Variants in PIK3C2A observed in about 807,000 individuals in gnomAD.
The protein encoded by PIK3C2A is phosphatidylinositol 4-phosphate 3-kinase C2 domain-containing subunit alpha.
A neutral mutation model predicts 204.5 loss-of-function variants in PIK3C2A; 97 were observed. The observed-to-expected ratio is 0.47, with a 90% CI of 0.40 to 0.56. PIK3C2A has a LOEUF of 0.56. Ranked by LOEUF, PIK3C2A falls within the 20% of genes least tolerant of loss-of-function variation. The pLI is 0.00. For missense variants in PIK3C2A, 1,735 were observed against 1,969.2 expected (o/e 0.88, Z 2.25); for synonymous variants, 653 against 664.4 (o/e 0.98, Z 0.26).
rs561890172 is a variant in PIK3C2A, at chr11:17,167,137, AT to A, written c.1065+1539del. ...AGGAGTATGCCATCACGCCCAGCTA[AT>A]TTTTTTGTAATTGTGTTAGAGACAG... On this transcript the variant is annotated intron_variant, in intron 2 of 32. Coordinates refer to ENST00000691414, the MANE Select transcript of PIK3C2A (RefSeq NM_002645.4). 1.6e-3 allele frequency among the ~76,000 whole-genome samples: 243 copies of A among 152,110 alleles called. 5 individuals carry two copies. The highest frequency in any genetic ancestry group is 0.013 in the Admixed American group (205 of 15,274).
chr11:17,200,441 G>A (rs951351034), intron 1 of PIK3C2A, among the ~76,000 whole-genome samples: 1 of 139,980 alleles, frequency 7.1e-6, no homozygotes, highest in African/African-American at 2.4e-5. Flanking sequence ...TAATAAAAAA[G>A]AGACATGTTA....
At chr11:17,099,175 G>A (rs879359082) in intron 26 of PIK3C2A, among the ~76,000 whole-genome samples, 8 of 152,138 alleles carry the variant, frequency 5.3e-5, no homozygotes, top group Non-Finnish European at 8.8e-5. Context: ...GATTACAGGC[G>A]TGAGCCACTG....
At chr11:17,152,318 C>A (rs912781159) in intron 3 of PIK3C2A, among the ~76,000 whole-genome samples, 7 of 151,970 alleles carry the variant, frequency 4.6e-5, no homozygotes, top group African/African-American at 1.7e-4. Flanking sequence ...CACTAATTAC[C>A]TTTTTCTGTA....
intron 22 of PIK3C2A, 42 bp downstream of exon 22, chr11:17,110,390 A>C (rs775942558): frequency 6.5e-7 from 1 of 1,539,208 alleles, no homozygotes; most frequent in Non-Finnish European, 8.8e-7. Context: ...AGCTAAGTTC[A>C]AGGAAAAAAA....
chr11:17,155,438 A>C (rs1288145111), intron 3 of PIK3C2A, 88 bp downstream of exon 3: 1 of 654,852 alleles, frequency 1.5e-6, no homozygotes, highest in Admixed American at 2.7e-5. Context: ...GAAAATAATT[A>C]AAATTTTTAA....
chr11:17,131,667 C>T (rs1011768359), intron 12 of PIK3C2A, among the ~76,000 whole-genome samples: 3 of 152,086 alleles, frequency 2.0e-5, no homozygotes, highest in Admixed American at 6.5e-5. Context: ...ATGATCCGCC[C>T]GCCTTGGCCT....
At chr11:17,119,344 C>G (rs753871676) in intron 16 of PIK3C2A, 31 bp from the exon 17 acceptor site, 7 of 1,276,086 alleles carry the variant, frequency 5.5e-6, no homozygotes, top group Non-Finnish European at 8.0e-6. Flanking sequence ...CAAGATTGGA[C>G]AGTGATTTCT....
intron 1 of PIK3C2A, among the ~76,000 whole-genome samples, chr11:17,193,203 AT>A (rs1852000859): frequency 6.6e-6 from 1 of 152,182 alleles, no homozygotes; most frequent in Non-Finnish European, 1.5e-5. Flanking sequence ...AAATAAATTT[AT>A]TTTCTTTATA....
At position 17,181,144 on chromosome 11, in the gene PIK3C2A, A is replaced by C. The variant is rs184802323; in HGVS notation, c.-65-11338T>G. On this transcript the variant is annotated intron_variant, in intron 1 of 32. Transcript: ENST00000691414. ...CTCCCGGCACCTCTATGTGTTCACC[A>C]ACCCAGAAGCTCTCCAAACCCTGTC... Among the ~76,000 whole-genome samples, 73 of 152,258 alleles carry C rather than the reference A, an allele frequency of 4.8e-4. 1 individual carries two copies. The Middle Eastern group carries it at 0.014, about 28-fold the overall frequency.
intron 8 of PIK3C2A, among the ~76,000 whole-genome samples, chr11:17,140,578 T>G (rs973959409): frequency 6.6e-6 from 1 of 152,186 alleles, no homozygotes; most frequent in African/African-American, 2.4e-5. Context: ...CATGATTCCA[T>G]GTACATGAAA....
chr11:17,175,418 C>T (rs1330432000), intron 1 of PIK3C2A, among the ~76,000 whole-genome samples: 1 of 152,074 alleles, frequency 6.6e-6, no homozygotes, highest in Non-Finnish European at 1.5e-5. Context: ...CAAAAGTAAC[C>T]CTGTGCTTCA....
rs1333947544 is a variant in PIK3C2A at position 17,148,767 on chromosome 11, T to C, written c.1348A>G (p.Ile450Val). The part of the protein sequence containing the change: ...TCDVSSTVEI[I>V]IMQALCWVHD... ...ACCCAGCAAAGGGCTTGCATTATAA[T>C]GATTTCTACAGTAGAACTCACTGTA... is the stretch of plus-strand genomic sequence containing the variant. Residue 450 changes from isoleucine (I) to valine (V), a missense_variant, in exon 5 of 33, where the codon ATT becomes GTT. Around this residue, in one of 6 missense-constraint regions of PIK3C2A, gnomAD observed 536 missense variants for 546.7 expected, o/e 0.98. Transcript: ENST00000691414. 6.2e-7 allele frequency: 1 copy of C among 1,612,090 alleles called. No homozygotes were observed. Among genetic ancestry groups the C allele is most frequent in the Admixed American group, 1.7e-5 (1 of 59,984 alleles).
intron 8 of PIK3C2A, among the ~76,000 whole-genome samples, chr11:17,144,878 C>T (rs1850178500): frequency 8.6e-6 from 1 of 115,868 alleles, no homozygotes; most frequent in Non-Finnish European, 1.6e-5. Flanking sequence ...CTGAGCAACA[C>T]ATGGAGACTC....
intron 21 of PIK3C2A, among the ~76,000 whole-genome samples, chr11:17,111,882 C>CAAAAAAAAAAAAAAAAAAAAAAAA (rs201931743): frequency 3.2e-5 from 1 of 31,434 alleles, no homozygotes; most frequent in Non-Finnish European, 6.5e-5. Context: ...GTCTCCAAAA[C>CAAAAAAAAAAAAAAAAAAAAAAAA]AAAAAAAAAA....
chr11:17,115,531 C>T (rs1251353582), intron 19 of PIK3C2A: 8 of 144,874 alleles, frequency 5.5e-5, no homozygotes, highest in Non-Finnish European at 9.0e-5. Context: ...ACAGAGAGAC[C>T]TCATCTCAAG....
intron 2 of PIK3C2A, 45 bp downstream of exon 2, chr11:17,168,631 CT>C (rs773852462): frequency 8.2e-7 from 1 of 1,214,006 alleles, no homozygotes; most frequent in Non-Finnish European, 1.2e-6. Context: ...CAAATATGAA[CT>C]CTGTGTTATA....
intron 2 of PIK3C2A, among the ~76,000 whole-genome samples, chr11:17,166,496 G>A (rs988054297): frequency 6.6e-6 from 1 of 152,120 alleles, no homozygotes. Flanking sequence ...GTAGGTAAAT[G>A]ACTTTTCAAT....
rs1851065340 is a variant in PIK3C2A at position 17,168,957 on chromosome 11, G to A, written c.785C>T (p.Ser262Phe). The change falls in exon 2 of 33, where the codon TCT becomes TTT. Residue 262 changes from serine (S) to phenylalanine (F), a missense_variant. Physicochemically the swap from Ser to Phe is radical, Grantham distance 155. Around this residue, in one of 6 missense-constraint regions of PIK3C2A, gnomAD observed 536 missense variants for 546.7 expected, o/e 0.98. Coordinates refer to ENST00000691414, the MANE Select transcript of PIK3C2A (RefSeq NM_002645.4). ...CCAGTCAAATTTACTGATATCCTCA[G>A]ACTTTGGAGATACCTGTAGATTGCT... ...KVSNLQVSPK[S>F]EDISKFDWLD... 6.2e-7 allele frequency: 1 copy of A among 1,613,986 alleles called. No homozygotes were observed. The highest frequency in any genetic ancestry group is 1.3e-5 in the African/African-American group (1 of 74,936).
At chr11:17,192,950 G>A (rs1851991721) in intron 1 of PIK3C2A, among the ~76,000 whole-genome samples, 1 of 152,222 alleles carries the variant, frequency 6.6e-6, no homozygotes, top group Non-Finnish European at 1.5e-5. Flanking sequence ...ATTAGGCCAG[G>A]AGGGCATAGT....
Sources: gnomAD v4.1 joint callset for allele counts (sites outside exome capture counted in the v4.1 genomes callset) on GRCh38, gnomAD v4.1.1 for gene constraint, gnomAD v4.1.1 regional missense constraint, MANE v1.5 for transcripts, NCBI Gene and HGNC (gene_info 2026-07-23, HGNC 2026-07-21) for gene names.